The following PDE10A variants were observed in gnomAD, a reference collection of about 807,000 sequenced individuals.
PDE10A encodes the protein cAMP and cAMP-inhibited cGMP 3',5'-cyclic phosphodiesterase 10A.
A neutral mutation model predicts 97.7 loss-of-function variants in PDE10A; 39 were observed. The observed-to-expected ratio is 0.40, with a 90% CI of 0.31 to 0.52. PDE10A has a LOEUF of 0.52. PDE10A is among the 20% of genes least tolerant of loss of function. The probability of loss-of-function intolerance (pLI) is 0.56; values close to 1 mark genes in which losing one functional copy is unlikely to be tolerated. For synonymous variants in PDE10A, 371 were observed against 376.8 expected, an observed-to-expected ratio of 0.98 and a Z score of 0.18; for missense variants, 731 against 1,047.8, an observed-to-expected ratio of 0.70 and a Z score of 4.17.
chr6:165,812,766 T>A (rs1779314146), intron 1 of PDE10A, among the ~76,000 whole-genome samples: 1 of 152,220 alleles, frequency 6.6e-6, no homozygotes, highest in Non-Finnish European at 1.5e-5. Context: ...TATTTGCATG[T>A]CTACTCTCTA....
At chr6:165,848,223 G>T (rs73033978) in intron 1 of PDE10A, among the ~76,000 whole-genome samples, 35 of 152,274 alleles carry the variant, frequency 2.3e-4, no homozygotes, top group Non-Finnish European at 4.9e-4. Context: ...CCCCCTATGT[G>T]GCGGGAATTG....
At chr6:165,400,438 T>A (rs1347211962) in intron 13 of PDE10A, among the ~76,000 whole-genome samples, 1 of 152,136 alleles carries the variant, frequency 6.6e-6, no homozygotes, top group East Asian at 1.9e-4. Context: ...ACAAATAATC[T>A]ATCTGATAAA....
intron 1 of PDE10A, among the ~76,000 whole-genome samples, chr6:165,931,674 C>T (rs1783139313): frequency 6.6e-6 from 1 of 152,202 alleles, no homozygotes; most frequent in Non-Finnish European, 1.5e-5. Context: ...TTCCTTGTCT[C>T]ATACCTCGGG....
chr6:165,435,172 A>ATG, intron 6 of PDE10A, 65 bp downstream of exon 6: 2 of 1,307,452 alleles, frequency 1.5e-6, no homozygotes, highest in Non-Finnish European at 2.2e-6. Flanking sequence ...TCAAAATGAT[A>ATG]TGCCATCTTT....
At position 165,662,493 on chromosome 6, in the gene PDE10A, G is replaced by A. The variant is rs1790334306; in HGVS notation, c.319C>T (p.Arg107Trp). Reference sequence around the variant, plus strand: ...AAAGATGGAGAGGAGGAGGGGACCCGGGACGAGAAGGCGAGCGCCAAGGGA... The same window carrying A: ...AAAGATGGAGAGGAGGAGGGGACCCAGGACGAGAAGGCGAGCGCCAAGGGA... Reference protein sequence around the residue: ...RAPLALAFSSRVPSSSPSFFY... With the variant: ...RAPLALAFSSWVPSSSPSFFY... The change falls in exon 1 of 22, where the codon CGG (arginine) becomes TGG (tryptophan). Residue 107 changes from arginine (R) to tryptophan (W), a missense_variant. Physicochemically the swap from Arg to Trp is moderately radical, Grantham distance 101 (BLOSUM62 -3). Coordinates refer to ENST00000539869, the MANE Select transcript of PDE10A (RefSeq NM_001385079.1). The A allele has an allele frequency of 6.8e-6, 1 of 147,866 alleles. No individual in the cohort carries two copies. The highest frequency in any genetic ancestry group is 2.0e-4 in the South Asian group (1 of 4,892). 9.2% of individuals were successfully genotyped at this position (147,866 alleles called of 1,614,324 possible). A position where few individuals can be genotyped will look rare whatever the true frequency, so the allele number is the denominator to read the frequency against.
At chr6:165,492,940 A>G (rs1780312933) in intron 2 of PDE10A, among the ~76,000 whole-genome samples, 1 of 152,100 alleles carries the variant, frequency 6.6e-6, no homozygotes, top group Non-Finnish European at 1.5e-5. Context: ...GAAAACCCTA[A>G]AGACTCATCC....
At chr6:165,360,556 T>G (rs1783343468) in intron 18 of PDE10A, among the ~76,000 whole-genome samples, 1 of 152,158 alleles carries the variant, frequency 6.6e-6, no homozygotes, top group South Asian at 2.1e-4. Context: ...AGGAGGCAAC[T>G]GGGAGGACAT....
At chr6:165,468,792 T>C (rs1012394213) in intron 3 of PDE10A, among the ~76,000 whole-genome samples, 1 of 152,248 alleles carries the variant, frequency 6.6e-6, no homozygotes, top group Non-Finnish European at 1.5e-5. Context: ...TTGGATTTTA[T>C]GCATAGCTAC....
intron 2 of PDE10A, among the ~76,000 whole-genome samples, 170 bp downstream of exon 2, chr6:165,543,270 T>A (rs897044391): frequency 1.3e-5 from 2 of 152,222 alleles, no homozygotes; most frequent in Non-Finnish European, 2.9e-5. Flanking sequence ...TCTTTTGTAT[T>A]TATTTCTTCT....
At chr6:165,616,306 C>T (rs1787724482) in intron 1 of PDE10A, among the ~76,000 whole-genome samples, 1 of 152,126 alleles carries the variant, frequency 6.6e-6, no homozygotes, top group African/African-American at 2.4e-5. Flanking sequence ...GGAAACTTCC[C>T]TAACCATATT....
chr6:165,621,738 C>A (rs1275439910), intron 1 of PDE10A, among the ~76,000 whole-genome samples: 4 of 147,386 alleles, frequency 2.7e-5, no homozygotes, highest in African/African-American at 1.0e-4. Flanking sequence ...CCCTGGGTGA[C>A]AGAGTGAGAC....
chr6:165,941,130 A>G (rs1347028263), intron 1 of PDE10A, among the ~76,000 whole-genome samples: 1 of 152,174 alleles, frequency 6.6e-6, no homozygotes, highest in Non-Finnish European at 1.5e-5. Context: ...AGTTACTGAT[A>G]CTTCTAGGTT....
At chr6:165,639,944 C>A (rs1353534077) in intron 1 of PDE10A, among the ~76,000 whole-genome samples, 1 of 151,798 alleles carries the variant, frequency 6.6e-6, no homozygotes, top group African/African-American at 2.4e-5. Flanking sequence ...GTGGTGCACA[C>A]CTGTGGTCCC....
chr6:165,556,610 C>T (rs780164396), intron 1 of PDE10A, among the ~76,000 whole-genome samples: 21 of 152,196 alleles, frequency 1.4e-4, no homozygotes, highest in Admixed American at 3.3e-4. Flanking sequence ...AAAGTGAATT[C>T]TCAAGTGCTG....
chr6:165,426,622 G>C (rs549667499), intron 10 of PDE10A, among the ~76,000 whole-genome samples: 2 of 152,162 alleles, frequency 1.3e-5, no homozygotes, highest in South Asian at 4.2e-4. Context: ...AGCTAAATTG[G>C]ATTTCATCAA....
intron 10 of PDE10A, among the ~76,000 whole-genome samples, chr6:165,425,575 AT>A (rs1789066318): frequency 6.6e-6 from 1 of 152,154 alleles, no homozygotes; most frequent in Non-Finnish European, 1.5e-5. Context: ...CCACAAAAAA[AT>A]CATATTTAAC....
chr6:165,449,039 TCCTCC>T, intron 4 of PDE10A, 62 bp from the exon 5 acceptor site: 1 of 1,155,922 alleles, frequency 8.7e-7, no homozygotes, highest in East Asian at 2.3e-5. Context: ...CATGTATGCA[TCCTCC>T]AGGGTGAGAG....
intron 1 of PDE10A, among the ~76,000 whole-genome samples, chr6:165,826,547 G>GTC (rs761297742): frequency 3.3e-5 from 5 of 150,900 alleles, no homozygotes; most frequent in East Asian, 1.9e-4. Context: ...CTCTGTCCCC[G>GTC]TCTCTCTCTC....
At chr6:165,783,817 G>A (rs759145797) in intron 1 of PDE10A, among the ~76,000 whole-genome samples, 30 of 152,224 alleles carry the variant, frequency 2.0e-4, no homozygotes, top group Admixed American at 8.5e-4. Flanking sequence ...GTGAGGTTAC[G>A]TGACTTGCCA....
Sources: allele counts gnomAD v4.1 joint callset (sites outside exome capture counted in the v4.1 genomes callset), GRCh38; gene constraint gnomAD v4.1.1; transcripts MANE v1.5; gene names NCBI Gene and HGNC (gene_info 2026-07-23, HGNC 2026-07-21).